Variants in ANKS1B observed in about 807,000 individuals in gnomAD.
The protein encoded by ANKS1B is ankyrin repeat and sterile alpha motif domain containing 1B, also known as ankyrin repeat and sterile alpha motif domain-containing protein 1B.
ANKS1B carries 36 observed loss-of-function variants against 148.3 expected under a neutral mutation model. The ratio of observed to expected loss-of-function variants is 0.24; its 90% CI spans 0.19 to 0.32. The LOEUF (loss-of-function observed/expected upper bound fraction) is 0.32, where lower values mean the gene tolerates loss of function less well. Among genes scored for constraint, ANKS1B ranks in the 10% least tolerant of loss-of-function variants. The pLI, the probability that ANKS1B is intolerant of heterozygous loss-of-function variation, is 1.00. For missense variants in ANKS1B, 1,157 were observed against 1,542.6 expected (o/e 0.75, Z 4.19); for synonymous variants, 542 against 560.8 (o/e 0.97, Z 0.47).
chr12:99,586,151 G>C (rs2097637286), intron 9 of ANKS1B, among the ~76,000 whole-genome samples: 1 of 152,096 alleles, frequency 6.6e-6, no homozygotes, highest in African/African-American at 2.4e-5. Flanking sequence ...CCATGTCTCT[G>C]TGAATATATA....
At chr12:98,981,252 C>G (rs150565587) in intron 17 of ANKS1B, among the ~76,000 whole-genome samples, 3,229 of 152,196 alleles carry the variant, frequency 0.021, 118 homozygotes, top group African/African-American at 0.074. Context: ...ATCCTCCCAC[C>G]TCAGCCTCCT....
chr12:99,448,251 G>T (rs2095668462), intron 10 of ANKS1B, among the ~76,000 whole-genome samples: 1 of 152,082 alleles, frequency 6.6e-6, no homozygotes. Context: ...TATACATACA[G>T]TGGAATACTA....
chr12:99,391,521 T>C (rs1446728380), intron 12 of ANKS1B, among the ~76,000 whole-genome samples: 1 of 152,186 alleles, frequency 6.6e-6, no homozygotes, highest in Non-Finnish European at 1.5e-5. Context: ...GCCCCACTCA[T>C]TGTTGGCATG....
chr12:99,926,044 C>G (rs1452026069), intron 1 of ANKS1B, among the ~76,000 whole-genome samples: 1 of 152,126 alleles, frequency 6.6e-6, no homozygotes, highest in Non-Finnish European at 1.5e-5. Flanking sequence ...CCTATATATC[C>G]CATTTCACAT....
At chr12:99,944,605 G>A (rs1487792161) in intron 1 of ANKS1B, among the ~76,000 whole-genome samples, 1 of 152,102 alleles carries the variant, frequency 6.6e-6, no homozygotes, top group Non-Finnish European at 1.5e-5. Context: ...TGGACTCGCA[G>A]GCAAAACACA....
intron 17 of ANKS1B, among the ~76,000 whole-genome samples, chr12:98,895,676 C>G (rs750955047): frequency 2.0e-5 from 3 of 152,148 alleles, no homozygotes; most frequent in Non-Finnish European, 4.4e-5. Context: ...TGGAGGGTCA[C>G]GGGTGAGATT....
chr12:99,528,283 C>A (rs1190686534), intron 9 of ANKS1B, among the ~76,000 whole-genome samples: 1 of 151,868 alleles, frequency 6.6e-6, no homozygotes, highest in African/African-American at 2.4e-5. Context: ...GGAAGAAAAC[C>A]TAGGAAATAC....
intron 12 of ANKS1B, among the ~76,000 whole-genome samples, chr12:99,249,320 T>G (rs1313954587): frequency 6.6e-6 from 1 of 152,150 alleles, no homozygotes; most frequent in Admixed American, 6.5e-5. Context: ...GGGCGTAATA[T>G]TATTTAAAGT....
chr12:98,787,552 T>C (rs934010602), intron 22 of ANKS1B, among the ~76,000 whole-genome samples: 3 of 152,158 alleles, frequency 2.0e-5, no homozygotes, highest in South Asian at 4.1e-4. Flanking sequence ...GATCTAATGG[T>C]TGCTGAACTC....
chr12:98,882,422 C>T (rs910937216), intron 17 of ANKS1B, among the ~76,000 whole-genome samples: 4 of 152,120 alleles, frequency 2.6e-5, no homozygotes, highest in African/African-American at 4.8e-5. Flanking sequence ...AGAAAGGTAT[C>T]GCAATGCTTT....
At chr12:99,174,286 C>T (rs2078121827) in intron 14 of ANKS1B, among the ~76,000 whole-genome samples, 2 of 152,142 alleles carry the variant, frequency 1.3e-5, no homozygotes, top group South Asian at 4.2e-4. Context: ...CAGATGAGCC[C>T]CTTGCCCTGG....
At chr12:99,009,559 T>C (rs2099938066) in intron 17 of ANKS1B, among the ~76,000 whole-genome samples, 2 of 152,314 alleles carry the variant, frequency 1.3e-5, no homozygotes, top group South Asian at 2.1e-4. Context: ...TTCTACTTTA[T>C]GTAGCTCTCC....
chr12:98,942,975 A>G (rs148401655), intron 17 of ANKS1B, among the ~76,000 whole-genome samples: 2 of 152,338 alleles, frequency 1.3e-5, no homozygotes, highest in East Asian at 3.9e-4. Context: ...CAAATGAGAA[A>G]ATTTCAGTCT....
At chr12:99,567,453 C>A (rs2097407617) in intron 9 of ANKS1B, among the ~76,000 whole-genome samples, 1 of 152,038 alleles carries the variant, frequency 6.6e-6, no homozygotes, top group African/African-American at 2.4e-5. Context: ...AGCCCCCCGA[C>A]ACACACACAT....
intron 17 of ANKS1B, among the ~76,000 whole-genome samples, chr12:99,042,888 C>T (rs944448902): frequency 6.6e-5 from 10 of 152,208 alleles, no homozygotes; most frequent in South Asian, 2.1e-4. Context: ...CTTTTAGCCA[C>T]GGCTGCCTGC....
intron 16 of ANKS1B, among the ~76,000 whole-genome samples, chr12:99,060,266 T>C (rs77813342): frequency 6.6e-6 from 1 of 152,080 alleles, no homozygotes; most frequent in Admixed American, 6.5e-5. Flanking sequence ...AGGAGTTTTT[T>C]AGAGCATACT....
intron 8 of ANKS1B, among the ~76,000 whole-genome samples, chr12:99,760,379 A>G (rs1381419483): frequency 6.6e-6 from 1 of 151,930 alleles, no homozygotes; most frequent in African/African-American, 2.4e-5. Context: ...TCAATGCCAT[A>G]AACATATCTC....
intron 24 of ANKS1B, among the ~76,000 whole-genome samples, chr12:98,776,173 C>A (rs573950689): frequency 1.3e-5 from 2 of 152,362 alleles, no homozygotes; most frequent in Admixed American, 1.3e-4. Flanking sequence ...AATCAAAGGT[C>A]AAGGATACTA....
chr12:98,957,271 T>C (rs928703494), intron 17 of ANKS1B, among the ~76,000 whole-genome samples: 6 of 152,030 alleles, frequency 3.9e-5, no homozygotes, highest in East Asian at 1.9e-4. Flanking sequence ...CCCAATTGCA[T>C]TGGATTCACA....
Sources: gnomAD v4.1 joint callset for allele counts (sites outside exome capture counted in the v4.1 genomes callset) on GRCh38, gnomAD v4.1.1 for gene constraint, MANE v1.5 for transcripts, NCBI Gene and HGNC (gene_info 2026-07-23, HGNC 2026-07-21) for gene names.